CACNA2D2: variants seen among roughly 807,000 people sequenced by gnomAD.
The protein encoded by CACNA2D2 is calcium voltage-gated channel auxiliary subunit alpha2delta 2.
CACNA2D2 carries 48 observed loss-of-function variants against 166.4 expected under a neutral mutation model. The observed-to-expected ratio is 0.29, with a 90% CI of 0.23 to 0.37. The LOEUF is 0.37. CACNA2D2 is among the 10% of genes least tolerant of loss of function. CACNA2D2 has a pLI of 1.00. For synonymous variants in CACNA2D2, 561 were observed against 573.7 expected (o/e 0.98, Z 0.32); for missense variants, 1,122 against 1,433.0 (o/e 0.78, Z 3.50).
At position 50,364,392 on chromosome 3, in the gene CACNA2D2, G is replaced by C. The variant is rs1704094958; in HGVS notation, c.*274C>G. 1 of 462,194 alleles carries C rather than the reference G, an allele frequency of 2.2e-6. No homozygotes were observed. Among genetic ancestry groups the C allele is most frequent in the African/African-American group, 2.0e-5 (1 of 49,360 alleles). 28.6% of individuals were successfully genotyped at this position (462,194 alleles called of 1,614,324 possible). ...TGGCACCAGTGCGTGTGGCCTCCCT[G>C]TCCCATCCCACTGGGGGGAGCCCAG... On this transcript the variant is annotated 3_prime_UTR_variant, in exon 38 of 38. Coordinates refer to ENST00000424201, the MANE Select transcript of CACNA2D2 (RefSeq NM_006030.4).
intron 2 of CACNA2D2, among the ~76,000 whole-genome samples, chr3:50,469,015 G>A (rs142093085): frequency 1.1e-4 from 17 of 152,086 alleles, no homozygotes; most frequent in African/African-American, 3.6e-4. Context: ...TTTTAGTATA[G>A]ACAGGGTTTT....
chr3:50,455,688 A>G (rs1009116435), intron 2 of CACNA2D2, among the ~76,000 whole-genome samples: 4 of 152,140 alleles, frequency 2.6e-5, no homozygotes, highest in Admixed American at 6.6e-5. Context: ...CTGTCCCCAC[A>G]GCCCCCAGAT....
intron 3 of CACNA2D2, among the ~76,000 whole-genome samples, chr3:50,408,685 T>C (rs1164292103): frequency 6.6e-6 from 1 of 152,098 alleles, no homozygotes; most frequent in African/African-American, 2.4e-5. Context: ...CAGGCGCTAA[T>C]GGCTTCTGCT....
rs1704217475 is a variant in CACNA2D2, at chr3:50,365,636, C to T, written c.2968G>A (p.Ala990Thr). The change falls in exon 34 of 38, where the codon GCA becomes ACA. Residue 990 changes from alanine (A) to threonine (T), a missense_variant. By Grantham distance (58) the Ala-to-Thr change is moderately conservative (BLOSUM62 0). Coordinates refer to ENST00000424201, the MANE Select transcript of CACNA2D2 (RefSeq NM_006030.4). This position sits in a 1 kb window ranked among gnomAD's most constrained non-coding sequence, Gnocchi z 4.5. ...YGLIYHSWFQ[A>T]DPAEAEGSPE... ...GCGCCTCCAAAGCCCTACCTACCTG[C>T]TTGGAACCAGCTGTGGTAGATGAGG... 2 of 1,578,186 alleles carry T rather than the reference C, an allele frequency of 1.3e-6. No homozygotes were observed. The highest frequency in any genetic ancestry group is 1.7e-6 in the Non-Finnish European group (2 of 1,161,952).
intron 2 of CACNA2D2, among the ~76,000 whole-genome samples, chr3:50,444,295 C>T (rs1191177489): frequency 6.6e-6 from 1 of 152,168 alleles, no homozygotes; most frequent in Admixed American, 6.5e-5. Context: ...ACTGAGGCGC[C>T]GGGAGGGTCA....
Position 50,367,682 on chromosome 3 carries a change from C to T in CACNA2D2, c.2257G>A (p.Ala753Thr), listed in dbSNP as rs148442391. ...CGGGTGATGCCACCGTCTGTGGCAG[C>T]GAACACGGCCAGTAGGCTGTACCTG... is the stretch of plus-strand genomic sequence containing the variant. ...LNTYSLLAVF[A>T]ATDGGITRVF... Residue 753 changes from alanine (A) to threonine (T), a missense_variant, in exon 26 of 38, where the codon GCT becomes ACT. Around this residue, in one of 2 missense-constraint regions of CACNA2D2, gnomAD observed 840 missense variants for 1,166.8 expected, o/e 0.72. Transcript: ENST00000424201. This position sits in a 1 kb window ranked among gnomAD's most constrained non-coding sequence, Gnocchi z 6.5. 6.8e-5 allele frequency: 110 copies of T among 1,611,704 alleles called. No homozygotes were observed. Among genetic ancestry groups the T allele is most frequent in the Middle Eastern group, 3.3e-4 (2 of 6,078 alleles).
In CACNA2D2 at chr3:50,365,208, G is replaced by A; in HGVS notation, c.3099-24C>T. 1 of 1,610,498 alleles carries A rather than the reference G, an allele frequency of 6.2e-7. No homozygotes were observed. Among genetic ancestry groups the A allele is most frequent in the East Asian group, 2.2e-5 (1 of 44,824 alleles). ...GCCTGCGGGCAGCCCGGAAAGGCGG[G>A]GCGTTGAGTTTGCCCCGCCCTGACC... On this transcript the variant is annotated intron_variant, in intron 35 of 37. Coordinates refer to ENST00000424201, the MANE Select transcript of CACNA2D2 (RefSeq NM_006030.4). This position sits in a 1 kb window ranked among gnomAD's most constrained non-coding sequence, Gnocchi z 4.5.
intron 2 of CACNA2D2, among the ~76,000 whole-genome samples, chr3:50,436,940 A>G (rs1000059433): frequency 6.6e-6 from 1 of 152,198 alleles, no homozygotes; most frequent in African/African-American, 2.4e-5. Context: ...CAGAGGTGAT[A>G]ATGGTGGAGC....
intron 2 of CACNA2D2, among the ~76,000 whole-genome samples, chr3:50,471,553 G>A (rs1479322665): frequency 6.6e-6 from 1 of 152,188 alleles, no homozygotes; most frequent in Non-Finnish European, 1.5e-5. Context: ...CGCCCAGAGT[G>A]TACCCTCCCT....
At chr3:50,426,686 G>T (rs780648833) in intron 3 of CACNA2D2, among the ~76,000 whole-genome samples, 41 of 152,258 alleles carry the variant, frequency 2.7e-4, no homozygotes, top group Non-Finnish European at 5.0e-4. Context: ...CAGCGCTTCT[G>T]ACCCCTCCTG....
chr3:50,504,114 G>T (rs1425723818), upstream of CACNA2D2: 1 of 152,296 alleles, frequency 6.6e-6, no homozygotes, highest in Non-Finnish European at 1.5e-5. Context: ...TCTGTCGGGG[G>T]CTTGCACGCC....
chr3:50,487,355 G>A (rs1313865423), intron 1 of CACNA2D2, among the ~76,000 whole-genome samples: 1 of 152,192 alleles, frequency 6.6e-6, no homozygotes, highest in East Asian at 1.9e-4. Flanking sequence ...TACCCTATCA[G>A]GGCTATCCTG....
intron 3 of CACNA2D2, among the ~76,000 whole-genome samples, chr3:50,421,931 TGAGGAAGGAATAC>T (rs1368992682): frequency 6.6e-6 from 1 of 152,060 alleles, no homozygotes; most frequent in Non-Finnish European, 1.5e-5. Flanking sequence ...GGCAGACATC[TGAGGAAGGAATAC>T]GAGAGGCAGG....
chr3:50,435,045 AGGG>A (rs1379285678), intron 2 of CACNA2D2, among the ~76,000 whole-genome samples: 1 of 152,128 alleles, frequency 6.6e-6, no homozygotes, highest in Admixed American at 6.5e-5. Context: ...CCAGGGAGGA[AGGG>A]GCAGGTTGGG....
At chr3:50,480,892 G>A (rs1698020118) in intron 1 of CACNA2D2, among the ~76,000 whole-genome samples, 2 of 54,986 alleles carry the variant, frequency 3.6e-5, no homozygotes, top group South Asian at 8.9e-4. Flanking sequence ...GAGGAAAGGG[G>A]AGGAAGGGGG....
chr3:50,438,829 GA>G, intron 2 of CACNA2D2, among the ~76,000 whole-genome samples: 2 of 152,204 alleles, frequency 1.3e-5, no homozygotes, highest in African/African-American at 2.4e-5. Flanking sequence ...GAAAAGGAGA[GA>G]GGAGAGGGGA....
chr3:50,377,445 G>A (rs372234435), intron 17 of CACNA2D2, 22 bp downstream of exon 17: 176 of 1,602,688 alleles, frequency 1.1e-4, no homozygotes, highest in Admixed American at 3.8e-4. Context: ...CAGGGTACGC[G>A]GATGGGCAGG....
chr3:50,462,038 T>C (rs1709610456), intron 2 of CACNA2D2, among the ~76,000 whole-genome samples: 2 of 152,086 alleles, frequency 1.3e-5, no homozygotes, highest in South Asian at 4.1e-4. Context: ...TCAGATAAAG[T>C]GGCGGGGAGT....
At chr3:50,443,611 C>A (rs780087195) in intron 2 of CACNA2D2, among the ~76,000 whole-genome samples, 1 of 152,200 alleles carries the variant, frequency 6.6e-6, no homozygotes, top group Non-Finnish European at 1.5e-5. Context: ...GCAGCCCTGG[C>A]CCAGCTTGGC....
Sources: gnomAD v4.1 joint callset for allele counts (sites outside exome capture counted in the v4.1 genomes callset) on GRCh38, gnomAD v4.1.1 for gene constraint, gnomAD v4.1.1 regional missense constraint, Gnocchi (gnomAD v3.1) non-coding constraint, MANE v1.5 for transcripts, NCBI Gene and HGNC (gene_info 2026-07-23, HGNC 2026-07-21) for gene names.